The following PROM2 variants were observed in gnomAD, a reference collection of about 807,000 sequenced individuals.
The protein encoded by PROM2 is prominin 2.
PROM2 carries 90 observed loss-of-function variants against 110.2 expected under a neutral mutation model. The observed-to-expected ratio is 0.82, with a 90% CI of 0.69 to 0.97. The LOEUF (loss-of-function observed/expected upper bound fraction) is 0.97. PROM2 is among the 50% of genes least tolerant of loss of function. PROM2 has a pLI of 0.00. For missense variants in PROM2, 1,009 were observed against 1,074.8 expected (o/e 0.94, Z 0.86); for synonymous variants, 470 against 467.8 (o/e 1.00, Z -0.06).
chr2:95,278,844 G>C (rs1276915242), intron 9 of PROM2, 60 bp downstream of exon 9: 15 of 1,611,182 alleles, frequency 9.3e-6, no homozygotes, highest in Non-Finnish European at 1.3e-5. Context: ...ACCCCTACCA[G>C]GGAGGCTTGT....
rs1394385674 is a variant in PROM2, at chr2:95,275,229, G to A, written c.245-232G>A. 6.6e-6 allele frequency among the ~76,000 whole-genome samples: 1 copy of A among 152,236 alleles called. No individual in the cohort carries two copies. The highest frequency in any genetic ancestry group is 1.5e-5 in the Non-Finnish European group (1 of 68,048). On this transcript the variant is annotated intron_variant, in intron 1 of 23. Transcript: ENST00000317620. This position sits in a 1 kb window ranked among gnomAD's most constrained non-coding sequence, Gnocchi z 4.4. ...CTTTGCCCAGGCTCAGGACTGACCT[G>A]TAGGGTCCAGGAGGAGAGGTCTGCA... is the stretch of plus-strand genomic sequence containing the variant.
chr2:95,274,498 A>C lies in PROM2; in HGVS notation c.-88A>C. On this transcript the variant is annotated 5_prime_UTR_variant, in exon 1 of 24. Coordinates refer to ENST00000317620, the MANE Select transcript of PROM2 (RefSeq NM_001165978.3). ...CGGGCAGGTTTTGAGAGCTGTGGAG[A>C]GAGGGACAGAGGCTGGAGAAGGATG... 1 of 1,458,982 alleles carries C rather than the reference A, an allele frequency of 6.9e-7. No individual in the cohort carries two copies. Among genetic ancestry groups the C allele is most frequent in the South Asian group, 1.5e-5 (1 of 67,252 alleles). 90.4% of individuals were successfully genotyped at this position (1,458,982 alleles called of 1,614,324 possible). A position where few individuals can be genotyped will look rare whatever the true frequency, so the allele number is the denominator to read the frequency against.
At position 95,275,373 on chromosome 2, in the gene PROM2, G is replaced by A. The variant is rs1676585443; in HGVS notation, c.245-88G>A. 7.5e-7 allele frequency: 1 copy of A among 1,325,810 alleles called. No homozygotes were observed. Among genetic ancestry groups the A allele is most frequent in the Non-Finnish European group, 1.1e-6 (1 of 952,084 alleles). The allele number at this position is 1,325,810 out of a possible 1,614,324, so 82.1% of individuals were successfully genotyped here. A position where few individuals can be genotyped will look rare whatever the true frequency, so the allele number is the denominator to read the frequency against. ...GTGGTGGCAGGAGCCCTGCCTCAGA[G>A]CCACTTTGCCCTGGCAGTGGGGAGA... is the stretch of plus-strand genomic sequence containing the variant. On this transcript the variant is annotated intron_variant, in intron 1 of 23. Coordinates refer to ENST00000317620, the MANE Select transcript of PROM2 (RefSeq NM_001165978.3). This position sits in a 1 kb window ranked among gnomAD's most constrained non-coding sequence, Gnocchi z 4.4.
rs1472474794 is a variant in PROM2, at chr2:95,275,118, G to A, written c.244+289G>A. ...CTTAGTCTATCGGTGCTTGGGTTGG[G>A]TGGTCCAGGAGTGTCTGAAGGACCC... On this transcript the variant is annotated intron_variant, in intron 1 of 23. Transcript: ENST00000317620. This position sits in a 1 kb window ranked among gnomAD's most constrained non-coding sequence, Gnocchi z 4.4. 1.3e-5 allele frequency: 6 copies of A among 478,526 alleles called. No individual in the cohort carries two copies. The highest frequency in any genetic ancestry group is 2.0e-5 in the African/African-American group (1 of 50,772). 29.6% of individuals were successfully genotyped at this position (478,526 alleles called of 1,614,324 possible). A position where few individuals can be genotyped will look rare whatever the true frequency, so the allele number is the denominator to read the frequency against.
In PROM2 at chr2:95,288,311, C is replaced by T. The variant is rs1319058939; in HGVS notation, c.2334+11C>T. ...ATGGCTGACCCCTGGGTGAGTGCCC[C>T]AGCTCATCGGGGCTTGTTCACCAAG... is the stretch of plus-strand genomic sequence containing the variant. On this transcript the variant is annotated intron_variant, in intron 21 of 23. Transcript: ENST00000317620. The T allele has an allele frequency of 1.2e-6, 2 of 1,613,754 alleles. No individual in the cohort carries two copies. The highest frequency in any genetic ancestry group is 1.7e-5 in the Admixed American group (1 of 60,004).
chr2:95,276,511 G>C lies in PROM2; in HGVS notation c.619-83G>C. 1 of 1,605,914 alleles carries C rather than the reference G, an allele frequency of 6.2e-7. No homozygotes were observed. Among genetic ancestry groups the C allele is most frequent in the Non-Finnish European group, 8.5e-7 (1 of 1,173,222 alleles). On this transcript the variant is annotated intron_variant, in intron 4 of 23. Transcript: ENST00000317620. The surrounding 1 kb of genome is among the most constrained non-coding windows in gnomAD (Gnocchi z 4.6). Reference sequence around the variant, plus strand: ...CCACCCTCAGGGTGGATGCCATAGGGGCAGGGAAGGGGCCAGGGAGAGAAG... The same window carrying C: ...CCACCCTCAGGGTGGATGCCATAGGCGCAGGGAAGGGGCCAGGGAGAGAAG...
intron 1 of PROM2, 129 bp downstream of exon 1, chr2:95,274,958 G>C: frequency 7.9e-7 from 1 of 1,258,484 alleles, no homozygotes; most frequent in Non-Finnish European, 1.1e-6. Context: ...GGTAGAAGGC[G>C]GAGGATCTGG....
chr2:95,278,998 A>AGCAGCCGGAAGG lies in PROM2; in HGVS notation c.1129_1130insCAGCCGGAAGGG (p.Ala376_Val377insAlaAlaGlyArg), dbSNP rs1423882950. On this transcript the variant is annotated inframe_insertion, in exon 10 of 24. Coordinates refer to ENST00000317620, the MANE Select transcript of PROM2 (RefSeq NM_001165978.3). ...TACTTTGGGCAGAGCTGAAGAAGGC[A>AGCAGCCGGAAGG]GTGGCCCAGCAGCCGGAAGGGGTGA... 3.1e-6 allele frequency: 5 copies of AGCAGCCGGAAGG among 1,606,332 alleles called. No homozygotes were observed. In the African/African-American group the frequency reaches 6.7e-5, roughly 21 times the overall value.
Position 95,274,843 on chromosome 2 carries a change from T to G in PROM2, c.244+14T>G. 1 of 1,510,814 alleles carries G rather than the reference T, an allele frequency of 6.6e-7. No individual in the cohort carries two copies. Among genetic ancestry groups the G allele is most frequent in the Non-Finnish European group, 8.9e-7 (1 of 1,125,978 alleles). The allele number at this position is 1,510,814 out of a possible 1,614,324, so 93.6% of individuals were successfully genotyped here. On this transcript the variant is annotated intron_variant, in intron 1 of 23. Transcript: ENST00000317620. ...CTTTCCCTTCAGGTGAGTGTGCCCC[T>G]CCCCCATGAGGGCCTCAGCATTTGG...
chr2:95,287,536 G>C (rs575369682), intron 20 of PROM2, 72 bp downstream of exon 20: 1 of 1,498,708 alleles, frequency 6.7e-7, no homozygotes, highest in Non-Finnish European at 9.2e-7. Flanking sequence ...GCTCTGCCCC[G>C]CCCCCGCCCC....
chr2:95,275,595 G>A lies in PROM2; in HGVS notation c.294+85G>A, dbSNP rs2104569350. 6.6e-7 allele frequency: 1 copy of A among 1,523,446 alleles called. No homozygotes were observed. 94.4% of individuals were successfully genotyped at this position (1,523,446 alleles called of 1,614,324 possible). A position where few individuals can be genotyped will look rare whatever the true frequency, so the allele number is the denominator to read the frequency against. On this transcript the variant is annotated intron_variant, in intron 2 of 23. Transcript: ENST00000317620. This position sits in a 1 kb window ranked among gnomAD's most constrained non-coding sequence, Gnocchi z 4.4. ...AGCAGAAAAGCCTTGGCTCCCCTTAGCCCACCTCGCTGGGTGTCCACTAGG... is the reference window on the plus strand; with the variant it reads ...AGCAGAAAAGCCTTGGCTCCCCTTAACCCACCTCGCTGGGTGTCCACTAGG...
Position 95,281,294 on chromosome 2 carries a change from G to A in PROM2, c.1480G>A (p.Ala494Thr), listed in dbSNP as rs142421342. The change falls in exon 12 of 24, where the codon GCC (alanine) becomes ACC (threonine). Residue 494 changes from alanine to threonine, a missense_variant. Transcript: ENST00000317620. ...TGCACCCCTCATCCTCCTGGTGTTC[G>A]CCACCTTCCTGGTGGGTGGCAACGT... ...FAAPLILLVF[A>T]TFLVGGNVQT... 4.5e-5 allele frequency: 72 copies of A among 1,613,414 alleles called. No individual in the cohort carries two copies. Among genetic ancestry groups the A allele is most frequent in the African/African-American group, 1.6e-4 (12 of 75,032 alleles).
At chr2:95,280,463 C>T (rs1187624441) in intron 11 of PROM2, among the ~76,000 whole-genome samples, 2 of 152,186 alleles carry the variant, frequency 1.3e-5, no homozygotes, top group Non-Finnish European at 2.9e-5. Context: ...CTCATAAGCC[C>T]TTCGAGCCCC....
chr2:95,286,617 C>T (rs540581860), intron 17 of PROM2, 46 bp downstream of exon 17: 27 of 1,535,090 alleles, frequency 1.8e-5, no homozygotes, highest in Middle Eastern at 2.1e-4. Flanking sequence ...GGAGGGGAGA[C>T]GTGGAGAGGG....
chr2:95,279,012 C>A lies in PROM2; in HGVS notation c.1142C>A (p.Pro381Gln). 6.2e-7 allele frequency: 1 copy of A among 1,609,170 alleles called. No individual in the cohort carries two copies. Among genetic ancestry groups the A allele is most frequent in the Non-Finnish European group, 8.5e-7 (1 of 1,177,538 alleles). ...CTGAAGAAGGCAGTGGCCCAGCAGC[C>A]GGAAGGGGTGAGGACACTGGCTGAA... Reference protein sequence around the residue: ...QELKKAVAQQPEGVRTLAEGF... With the variant: ...QELKKAVAQQQEGVRTLAEGF... The change falls in exon 10 of 24, where the codon CCG (proline) becomes CAG (glutamine). Residue 381 changes from proline to glutamine, a missense_variant. By Grantham distance (76) the Pro-to-Gln change is moderately conservative (BLOSUM62 -1). Transcript: ENST00000317620.
chr2:95,277,695 C>G, intron 7 of PROM2, 129 bp downstream of exon 7: 1 of 991,712 alleles, frequency 1.0e-6, no homozygotes, highest in African/African-American at 1.6e-5. Flanking sequence ...AGGGTTAATG[C>G]GGGTCATCCT....
rs569219641 is a variant in PROM2, at chr2:95,277,834, TG to T, written c.976-92del. ...GTCCTCATTTTACACTTGAGGACAT[TG>T]GGGTTCAGAGGCCCCTGCCCCCCTC... On this transcript the variant is annotated intron_variant, in intron 7 of 23. Transcript: ENST00000317620. 107 of 1,045,568 alleles carry T rather than the reference TG, an allele frequency of 1.0e-4. No individual in the cohort carries two copies. In the East Asian group the frequency reaches 2.6e-3, roughly 25 times the overall value. 64.8% of individuals were successfully genotyped at this position (1,045,568 alleles called of 1,614,324 possible).
At chr2:95,280,588 A>C (rs529943661) in intron 11 of PROM2, among the ~76,000 whole-genome samples, 1 of 152,262 alleles carries the variant, frequency 6.6e-6, no homozygotes, top group Non-Finnish European at 1.5e-5. Context: ...GGTCACCTCC[A>C]TGGGCCCTAG....
At position 95,290,389 on chromosome 2, in the gene PROM2, T is replaced by C. The variant is rs1276654007; in HGVS notation, c.*1176T>C. 6.6e-6 allele frequency: 1 copy of C among 151,960 alleles called. No individual in the cohort carries two copies. Among genetic ancestry groups the C allele is most frequent in the Non-Finnish European group, 1.5e-5 (1 of 68,006 alleles). The allele number at this position is 151,960 out of a possible 1,614,324, so 9.4% of individuals were successfully genotyped here. ...CTGTACATAGTTGGTGTTTAATGAGTGTTTATGGAGAGGAGAGTTCTAAGG... is the reference window on the plus strand; with the variant it reads ...CTGTACATAGTTGGTGTTTAATGAGCGTTTATGGAGAGGAGAGTTCTAAGG... On this transcript the variant is annotated 3_prime_UTR_variant, in exon 24 of 24. Transcript: ENST00000317620.
Sources: gnomAD v4.1 joint callset for allele counts (sites outside exome capture counted in the v4.1 genomes callset) on GRCh38, gnomAD v4.1.1 for gene constraint, Gnocchi (gnomAD v3.1) non-coding constraint, MANE v1.5 for transcripts, NCBI Gene and HGNC (gene_info 2026-07-23, HGNC 2026-07-21) for gene names.